The following MYO3B variants were observed in gnomAD, a reference collection of about 807,000 sequenced individuals.
MYO3B encodes the protein myosin-IIIb.
Under a neutral mutation model 174.6 loss-of-function variants are expected in MYO3B, and 156 were observed. That is an observed-to-expected ratio of 0.89 (90% confidence interval 0.78 to 1.02). MYO3B has a LOEUF of 1.02. MYO3B is among the 50% of genes least tolerant of loss of function. The pLI, the probability that MYO3B is intolerant of heterozygous loss-of-function variation, is 0.00. For synonymous variants in MYO3B, 563 were observed against 569.1 expected (o/e 0.99, Z 0.15); for missense variants, 1,632 against 1,639.4 (o/e 1.00, Z 0.08).
chr2:170,359,780 G>A (rs113740715), intron 8 of MYO3B, among the ~76,000 whole-genome samples: 1,874 of 152,184 alleles, frequency 0.012, 39 homozygotes, highest in African/African-American at 0.043. Flanking sequence ...CTTCGTCTGC[G>A]CTATTCTAGT....
At chr2:170,604,350 A>G in intron 32 of MYO3B, among the ~76,000 whole-genome samples, 1 of 152,316 alleles carries the variant, frequency 6.6e-6, no homozygotes, top group South Asian at 2.1e-4. Flanking sequence ...AGTGATGGCA[A>G]CAGTTTCCTC....
At chr2:170,221,881 AT>A (rs1264119256) in intron 6 of MYO3B, among the ~76,000 whole-genome samples, 1 of 152,104 alleles carries the variant, frequency 6.6e-6, no homozygotes, top group Non-Finnish European at 1.5e-5. Context: ...GATCAGAACA[AT>A]TTTTTATAAA....
intron 32 of MYO3B, among the ~76,000 whole-genome samples, chr2:170,627,789 G>T (rs1044009635): frequency 1.3e-5 from 2 of 152,230 alleles, no homozygotes; most frequent in Non-Finnish European, 2.9e-5. Flanking sequence ...TCAGCTGCAG[G>T]TCTGTTGGAG....
chr2:170,555,020 TG>T (rs1691187979), intron 32 of MYO3B, among the ~76,000 whole-genome samples: 1 of 151,236 alleles, frequency 6.6e-6, no homozygotes, highest in African/African-American at 2.4e-5. Context: ...AATTGTTTAA[TG>T]GTAGGGTTGT....
intron 9 of MYO3B, among the ~76,000 whole-genome samples, chr2:170,381,609 T>G (rs757423822): frequency 1.6e-4 from 25 of 152,152 alleles, no homozygotes; most frequent in Non-Finnish European, 3.2e-4. Context: ...TCACAAAAGT[T>G]GGGGGTGGTG....
At chr2:170,526,742 G>C (rs1280401182) in intron 30 of MYO3B, among the ~76,000 whole-genome samples, 1 of 152,190 alleles carries the variant, frequency 6.6e-6, no homozygotes, top group Non-Finnish European at 1.5e-5. Context: ...CTTATCACCA[G>C]CTGAAAGAAG....
At chr2:170,601,856 C>T in intron 32 of MYO3B, 1 of 904,164 alleles carries the variant, frequency 1.1e-6, no homozygotes, top group Non-Finnish European at 1.8e-6. Flanking sequence ...TTCTTTGCAA[C>T]ATCGCTAATA....
intron 30 of MYO3B, among the ~76,000 whole-genome samples, chr2:170,523,996 T>C (rs900590400): frequency 6.6e-6 from 1 of 152,018 alleles, no homozygotes; most frequent in Non-Finnish European, 1.5e-5. Flanking sequence ...GAGACAGTGA[T>C]GGGAGCAGAT....
intron 30 of MYO3B, among the ~76,000 whole-genome samples, chr2:170,523,728 A>G (rs1265472444): frequency 1.3e-5 from 2 of 152,174 alleles, no homozygotes; most frequent in East Asian, 3.9e-4. Context: ...AAGCAACACT[A>G]AACATCACTT....
At chr2:170,250,143 A>G (rs943152415) in intron 7 of MYO3B, among the ~76,000 whole-genome samples, 11 of 152,236 alleles carry the variant, frequency 7.2e-5, no homozygotes, top group African/African-American at 2.7e-4. Context: ...GCATGAAGTT[A>G]TTAGCATGAC....
intron 30 of MYO3B, among the ~76,000 whole-genome samples, chr2:170,529,150 GTC>G (rs1223035053): frequency 6.6e-6 from 1 of 151,932 alleles, no homozygotes; most frequent in Non-Finnish European, 1.5e-5. Flanking sequence ...AGAACTCTCA[GTC>G]TCTCACACAT....
At chr2:170,474,456 G>T (rs535586018) in intron 25 of MYO3B, among the ~76,000 whole-genome samples, 1 of 152,020 alleles carries the variant, frequency 6.6e-6, no homozygotes, top group South Asian at 2.1e-4. Context: ...GGCATCCATG[G>T]CTGGACATGG....
intron 1 of MYO3B, among the ~76,000 whole-genome samples, chr2:170,183,256 CA>C (rs143281423): frequency 6.7e-6 from 1 of 149,728 alleles, no homozygotes. Context: ...GACTCTGTCT[CA>C]AAAAAAAACA....
rs79721092 is a variant in MYO3B at position 170,335,760 on chromosome 2, A to G, written c.815+310A>G. ...AATGGGGAGAGATGAAACATCTAAA[A>G]ATCTGATGCCTACATTAGGACCAAA... is the stretch of plus-strand genomic sequence containing the variant. On this transcript the variant is annotated intron_variant, in intron 8 of 34. Transcript: ENST00000408978. Among the ~76,000 whole-genome samples the G allele has an allele frequency of 8.1e-4, 123 of 152,272 alleles. 1 individual carries two copies. In the East Asian group the frequency reaches 0.019, roughly 23 times the overall value.
chr2:170,370,684 A>C (rs2094235895), intron 9 of MYO3B, among the ~76,000 whole-genome samples: 1 of 149,040 alleles, frequency 6.7e-6, no homozygotes. Flanking sequence ...CAGCACCACC[A>C]CCACCAAAAA....
chr2:170,373,029 T>C (rs890722842), intron 9 of MYO3B, among the ~76,000 whole-genome samples: 1 of 152,256 alleles, frequency 6.6e-6, no homozygotes. Context: ...TCTTAGGTGC[T>C]AGGGAGCCAT....
intron 9 of MYO3B, among the ~76,000 whole-genome samples, chr2:170,375,582 C>G (rs2094286137): frequency 6.6e-6 from 1 of 151,594 alleles, no homozygotes; most frequent in Non-Finnish European, 1.5e-5. Context: ...CTGATTAAAA[C>G]AATGACTTCA....
At chr2:170,440,810 T>G (rs1456009343) in intron 22 of MYO3B, among the ~76,000 whole-genome samples, 6 of 145,382 alleles carry the variant, frequency 4.1e-5, no homozygotes, top group Non-Finnish European at 9.1e-5. Flanking sequence ...TTTTTTTTTT[T>G]TTTTTTTTTT....
chr2:170,514,770 G>T, intron 28 of MYO3B, 151 bp from the exon 29 acceptor site: 1 of 597,562 alleles, frequency 1.7e-6, no homozygotes, highest in Non-Finnish European at 3.0e-6. Flanking sequence ...TTAAAAATAA[G>T]CACCAAGTTC....
Sources: allele counts gnomAD v4.1 joint callset (sites outside exome capture counted in the v4.1 genomes callset), GRCh38; gene constraint gnomAD v4.1.1; transcripts MANE v1.5; gene names NCBI Gene and HGNC (gene_info 2026-07-23, HGNC 2026-07-21).